Variants in E2F3 observed in about 807,000 individuals in gnomAD.
The protein encoded by E2F3 is E2F transcription factor 3, also known as transcription factor E2F3.
Under a neutral mutation model 44.4 loss-of-function variants are expected in E2F3, and 11 were observed. That is an observed-to-expected ratio of 0.25 (90% CI 0.16 to 0.41). The LOEUF is 0.41. Among genes scored for constraint, E2F3 ranks in the 10% least tolerant of loss-of-function variants. The probability of loss-of-function intolerance (pLI) is 1.00; values close to 1 mark genes in which losing one functional copy is unlikely to be tolerated. For missense variants in E2F3, 487 were observed against 583.6 expected (o/e 0.83, Z 1.70); for synonymous variants, 249 against 253.0 (o/e 0.98, Z 0.15).
intron 1 of E2F3, among the ~76,000 whole-genome samples, chr6:20,438,569 A>G (rs1760669487): frequency 6.6e-6 from 1 of 152,178 alleles, no homozygotes; most frequent in African/African-American, 2.4e-5. Flanking sequence ...CAGATGTTCA[A>G]ATTTCTATTG....
At chr6:20,414,483 A>C (rs1207677979) in intron 1 of E2F3, among the ~76,000 whole-genome samples, 2 of 152,192 alleles carry the variant, frequency 1.3e-5, no homozygotes, top group Non-Finnish European at 2.9e-5. Context: ...TTAAAAAAAA[A>C]AAATCTTGAA....
At chr6:20,465,588 A>G (rs1288930297) in intron 1 of E2F3, among the ~76,000 whole-genome samples, 1 of 152,052 alleles carries the variant, frequency 6.6e-6, no homozygotes, top group African/African-American at 2.4e-5. Context: ...ACTGCACCCA[A>G]TTTGTAGTCT....
intron 3 of E2F3, 62 bp from the exon 4 acceptor site, chr6:20,482,700 A>G: frequency 6.6e-7 from 1 of 1,507,170 alleles, no homozygotes; most frequent in Non-Finnish European, 8.9e-7. Context: ...TACCCAAAGG[A>G]TCATTTCTCC....
chr6:20,419,797 CTCAG>C (rs1252637952), intron 1 of E2F3, among the ~76,000 whole-genome samples: 1 of 151,978 alleles, frequency 6.6e-6, no homozygotes, highest in East Asian at 1.9e-4. Flanking sequence ...AACTCTTGAG[CTCAG>C]TCAATCTGCC....
chr6:20,443,736 C>A (rs866287882), intron 1 of E2F3, among the ~76,000 whole-genome samples: 1 of 152,084 alleles, frequency 6.6e-6, no homozygotes, highest in Non-Finnish European at 1.5e-5. Flanking sequence ...ATCTTCACCC[C>A]TTTCAAGGTG....
chr6:20,486,365 C>G lies in E2F3; in HGVS notation c.885-324C>G, dbSNP rs545439698. On this transcript the variant is annotated intron_variant, in intron 4 of 6. Transcript: ENST00000346618. The stretch of plus-strand genomic sequence containing the variant: ...TCGTCTCACTGCAAGCTCCACCTCC[C>G]GGGTTCATGCCATTCTCCGGCCTCA... Among the ~76,000 whole-genome samples the G allele has an allele frequency of 4.6e-5, 7 of 152,260 alleles. No individual in the cohort carries two copies. In the East Asian group the frequency reaches 1.4e-3, roughly 30 times the overall value.
At chr6:20,464,744 A>T (rs191251013) in intron 1 of E2F3, among the ~76,000 whole-genome samples, 55 of 152,332 alleles carry the variant, frequency 3.6e-4, no homozygotes, top group African/African-American at 1.3e-3. Flanking sequence ...CCATTGCATG[A>T]TAAAGAGACA....
At chr6:20,483,829 G>T (rs1387069219) in intron 4 of E2F3, among the ~76,000 whole-genome samples, 1 of 152,204 alleles carries the variant, frequency 6.6e-6, no homozygotes, top group Non-Finnish European at 1.5e-5. Flanking sequence ...ACTAAAAAGT[G>T]TTCTGCCCAG....
chr6:20,468,737 C>T (rs59446595), intron 1 of E2F3, among the ~76,000 whole-genome samples: 9,855 of 152,180 alleles, frequency 0.065, 848 homozygotes, highest in African/African-American at 0.2. Flanking sequence ...TAAGGGCAGC[C>T]GGCCTTCATT....
intron 1 of E2F3, among the ~76,000 whole-genome samples, chr6:20,457,186 T>C (rs955104830): frequency 2.0e-5 from 3 of 151,928 alleles, no homozygotes; most frequent in African/African-American, 7.3e-5. Flanking sequence ...TCTCTCTTTT[T>C]CTTTTTGAGA....
intron 1 of E2F3, among the ~76,000 whole-genome samples, chr6:20,467,585 C>T (rs1761755365): frequency 6.6e-6 from 1 of 152,082 alleles, no homozygotes; most frequent in Non-Finnish European, 1.5e-5. Flanking sequence ...TTTCTGATGT[C>T]GCTGCATAAT....
At chr6:20,436,618 T>C (rs1760594600) in intron 1 of E2F3, among the ~76,000 whole-genome samples, 1 of 152,194 alleles carries the variant, frequency 6.6e-6, no homozygotes. Flanking sequence ...GTTCTTCCTC[T>C]GTCTCTCTAT....
intron 1 of E2F3, among the ~76,000 whole-genome samples, chr6:20,446,326 C>G (rs1760943400): frequency 6.6e-6 from 1 of 152,086 alleles, no homozygotes; most frequent in East Asian, 1.9e-4. Flanking sequence ...AGCACAGCAG[C>G]CTGACTTATA....
chr6:20,471,345 G>A (rs973676805), intron 1 of E2F3, among the ~76,000 whole-genome samples: 1 of 152,208 alleles, frequency 6.6e-6, no homozygotes, highest in African/African-American at 2.4e-5. Context: ...CACTTTGGGA[G>A]GCCGAAGCGG....
intron 6 of E2F3, among the ~76,000 whole-genome samples, chr6:20,488,593 T>A (rs1469162712): frequency 6.6e-6 from 1 of 152,142 alleles, no homozygotes; most frequent in Non-Finnish European, 1.5e-5. Context: ...GCAGAGCTCA[T>A]CAGAGAGGGA....
At chr6:20,422,527 T>A (rs1014613793) in intron 1 of E2F3, among the ~76,000 whole-genome samples, 2 of 152,246 alleles carry the variant, frequency 1.3e-5, no homozygotes, top group African/African-American at 4.8e-5. Context: ...CCTAGTTTTT[T>A]GCCTATTTCA....
intron 3 of E2F3, 33 bp from the exon 4 acceptor site, chr6:20,482,729 G>A: frequency 6.5e-7 from 1 of 1,538,072 alleles, no homozygotes; most frequent in Non-Finnish European, 8.7e-7. Context: ...CCTCCCATGA[G>A]TAGCCATGAA....
chr6:20,479,256 TAG>T (rs1762143150), intron 1 of E2F3, among the ~76,000 whole-genome samples: 1 of 152,132 alleles, frequency 6.6e-6, no homozygotes. Flanking sequence ...ATACAGTATA[TAG>T]AGAGAGTGAT....
chr6:20,428,499 A>G (rs1348929382), intron 1 of E2F3, among the ~76,000 whole-genome samples: 1 of 152,220 alleles, frequency 6.6e-6, no homozygotes, highest in Non-Finnish European at 1.5e-5. Context: ...CTGGGATTAC[A>G]GACGTGAGCC....
Sources: gnomAD v4.1 joint callset for allele counts (sites outside exome capture counted in the v4.1 genomes callset) on GRCh38, gnomAD v4.1.1 for gene constraint, MANE v1.5 for transcripts, NCBI Gene and HGNC (gene_info 2026-07-23, HGNC 2026-07-21) for gene names.